WAC: variants seen among roughly 807,000 people sequenced by gnomAD.
WAC encodes WW domain-containing adapter protein with coiled-coil.
Under a neutral mutation model 79.6 loss-of-function variants are expected in WAC, and 11 were observed. The observed-to-expected ratio is 0.14, with a 90% CI of 0.09 to 0.23. WAC has a LOEUF of 0.23. WAC is among the 10% of genes least tolerant of loss of function. The pLI is 1.00. For missense variants in WAC, 728 were observed against 773.5 expected (o/e 0.94, Z 0.70); for synonymous variants, 304 against 276.9 (o/e 1.10, Z -0.97).
In WAC at chr10:28,559,161, T is replaced by TGTATGTGTGTGTGTGTGTGTAA. The variant is rs1838168080; in HGVS notation, c.274+23406_274+23407insATGTGTGTGTGTGTGTGTAAGT. On this transcript the variant is annotated intron_variant, in intron 3 of 13. Transcript: ENST00000354911. ...ATGTGTGTGTGTGTGTGTGTGTGTGTGTGTAAGTCTGATGTTCTCTTGGGT... is the reference window on the plus strand; with the variant it reads ...ATGTGTGTGTGTGTGTGTGTGTGTGTGTATGTGTGTGTGTGTGTGTAAGTGTAAGTCTGATGTTCTCTTGGGT... Among the ~76,000 whole-genome samples the TGTATGTGTGTGTGTGTGTGTAA allele has an allele frequency of 2.0e-5, 3 of 147,320 alleles. No individual in the cohort carries two copies. The South Asian group carries it at 6.4e-4, about 32-fold the overall frequency.
chr10:28,604,611 T>C (rs1840842800), intron 7 of WAC, among the ~76,000 whole-genome samples: 1 of 152,112 alleles, frequency 6.6e-6, no homozygotes, highest in Non-Finnish European at 1.5e-5. Context: ...CATGCACCTG[T>C]AATTCCAGCT....
At position 28,619,702 on chromosome 10, in the gene WAC, C is replaced by T. The variant is rs1398112339; in HGVS notation, c.*96C>T. 6.9e-6 allele frequency: 7 copies of T among 1,015,910 alleles called. No individual in the cohort carries two copies. Among genetic ancestry groups the T allele is most frequent in the Non-Finnish European group, 8.4e-6 (6 of 718,398 alleles). The allele number at this position is 1,015,910 out of a possible 1,614,324, so 62.9% of individuals were successfully genotyped here. A position where few individuals can be genotyped will look rare whatever the true frequency, so the allele number is the denominator to read the frequency against. On this transcript the variant is annotated 3_prime_UTR_variant, in exon 14 of 14. Coordinates refer to ENST00000354911, the MANE Select transcript of WAC (RefSeq NM_016628.5). ...AGCTGCATTTAAGTAGACTTTGGAC[C>T]GTTAAGCTGGGCAAAGGAAATGACA...
At chr10:28,583,729 G>T (rs1268917230) in intron 4 of WAC, among the ~76,000 whole-genome samples, 1 of 151,942 alleles carries the variant, frequency 6.6e-6, no homozygotes, top group African/African-American at 2.4e-5. Context: ...TAGTATCTTT[G>T]GTATTACTTA....
Position 28,533,520 on chromosome 10 carries a change from C to T in WAC, c.-60C>T. The stretch of plus-strand genomic sequence containing the variant: ...CCGCCGCCGCCGCCGCCTGCGCGCC[C>T]GCCCGCCTTTCGCGGCCGCTCTCCC... On this transcript the variant is annotated 5_prime_UTR_variant, in exon 1 of 14. Transcript: ENST00000354911. 12 of 1,177,352 alleles carry T rather than the reference C, an allele frequency of 1.0e-5. No individual in the cohort carries two copies. The highest frequency in any genetic ancestry group is 1.2e-5 in the Non-Finnish European group (11 of 924,588). The allele number at this position is 1,177,352 out of a possible 1,614,324, so 72.9% of individuals were successfully genotyped here.
intron 3 of WAC, among the ~76,000 whole-genome samples, chr10:28,541,420 GTTTTTTTTTTTTTT>G (rs869099181): frequency 2.0e-5 from 1 of 49,210 alleles, no homozygotes; most frequent in African/African-American, 1.1e-4. Context: ...TGTGTGTTTT[GTTTTTTTTTTTTTT>G]TTTTTTTTTT....
chr10:28,585,941 G>A (rs1423935543), intron 4 of WAC, among the ~76,000 whole-genome samples: 1 of 152,168 alleles, frequency 6.6e-6, no homozygotes, highest in Non-Finnish European at 1.5e-5. Context: ...AATCATAAGG[G>A]TGTCAGGGAA....
At chr10:28,609,518 T>C (rs868080300) in intron 8 of WAC, among the ~76,000 whole-genome samples, 7 of 152,352 alleles carry the variant, frequency 4.6e-5, no homozygotes, top group Admixed American at 1.3e-4. Flanking sequence ...TTTTTTGTAT[T>C]TTTATTTTAT....
intron 13 of WAC, 191 bp downstream of exon 13, chr10:28,617,975 C>A: frequency 3.7e-6 from 2 of 535,662 alleles, no homozygotes; most frequent in Non-Finnish European, 2.9e-6. Flanking sequence ...TTCTCTTAAC[C>A]CATGATGAAT....
chr10:28,589,887 C>G (rs1281314112), intron 5 of WAC, 36 bp downstream of exon 5: 3 of 1,469,454 alleles, frequency 2.0e-6, no homozygotes, highest in African/African-American at 1.4e-5. Context: ...CATTATTTCT[C>G]TAGCTTGGTT....
At chr10:28,557,623 G>A (rs1838066935) in intron 3 of WAC, among the ~76,000 whole-genome samples, 3 of 152,152 alleles carry the variant, frequency 2.0e-5, no homozygotes, top group Admixed American at 2.0e-4. Flanking sequence ...GAGCCTAGGA[G>A]GTTGAGGCTG....
At chr10:28,546,311 A>T (rs1012631903) in intron 3 of WAC, among the ~76,000 whole-genome samples, 3 of 152,230 alleles carry the variant, frequency 2.0e-5, no homozygotes, top group Admixed American at 2.0e-4. Flanking sequence ...ATATTTCTGC[A>T]TTTAATAATT....
chr10:28,585,483 G>C (rs1048095329), intron 4 of WAC, among the ~76,000 whole-genome samples: 1 of 152,022 alleles, frequency 6.6e-6, no homozygotes, highest in Non-Finnish European at 1.5e-5. Flanking sequence ...AAAACAGCTC[G>C]CTAAGCCTTC....
At chr10:28,537,364 T>A (rs954601933) in intron 3 of WAC, among the ~76,000 whole-genome samples, 3 of 152,226 alleles carry the variant, frequency 2.0e-5, no homozygotes, top group African/African-American at 7.2e-5. Flanking sequence ...ATTTCTAATG[T>A]TAGCTCTTGG....
At chr10:28,548,307 C>T (rs1282477052) in intron 3 of WAC, among the ~76,000 whole-genome samples, 2 of 152,142 alleles carry the variant, frequency 1.3e-5, no homozygotes, top group African/African-American at 4.8e-5. Context: ...AGAGAGTCAT[C>T]TTCCACACTC....
intron 3 of WAC, among the ~76,000 whole-genome samples, chr10:28,576,982 C>A (rs1027966757): frequency 6.6e-6 from 1 of 152,056 alleles, no homozygotes; most frequent in Admixed American, 6.5e-5. Flanking sequence ...AATCCCAATT[C>A]CTACTAGCTG....
chr10:28,546,170 G>T (rs1415755720), intron 3 of WAC, among the ~76,000 whole-genome samples: 1 of 152,138 alleles, frequency 6.6e-6, no homozygotes, highest in Non-Finnish European at 1.5e-5. Context: ...CCTACTATTG[G>T]CGTCTTCCTA....
intron 3 of WAC, among the ~76,000 whole-genome samples, chr10:28,575,767 T>C (rs1839207886): frequency 6.6e-6 from 1 of 152,258 alleles, no homozygotes; most frequent in African/African-American, 2.4e-5. Context: ...TGTTGTCTTT[T>C]CACTTTCTGG....
chr10:28,594,681 T>G (rs1319927680), intron 6 of WAC, among the ~76,000 whole-genome samples: 2 of 152,212 alleles, frequency 1.3e-5, no homozygotes, highest in Non-Finnish European at 2.9e-5. Context: ...TTTGTCTTGG[T>G]CTTTACAATT....
At chr10:28,534,840 A>G (rs750574696) in intron 2 of WAC, among the ~76,000 whole-genome samples, 19 of 152,324 alleles carry the variant, frequency 1.2e-4, no homozygotes, top group Non-Finnish European at 1.5e-4. Context: ...AAAACATTGG[A>G]TATGTCAAAA....
Sources: allele counts gnomAD v4.1 joint callset (sites outside exome capture counted in the v4.1 genomes callset), GRCh38; gene constraint gnomAD v4.1.1; transcripts MANE v1.5; gene names NCBI Gene and HGNC (gene_info 2026-07-23, HGNC 2026-07-21).